The following FRMD5 variants were observed in gnomAD, a reference collection of about 807,000 sequenced individuals.
FRMD5 encodes FERM domain-containing protein 5.
FRMD5 carries 20 observed loss-of-function variants against 69.0 expected under a neutral mutation model. The ratio of observed to expected loss-of-function variants is 0.29; its 90% confidence interval spans 0.20 to 0.42. The LOEUF is 0.42. FRMD5 is among the 10% of genes least tolerant of loss of function. The probability of loss-of-function intolerance (pLI) is 1.00; values close to 1 mark genes in which losing one functional copy is unlikely to be tolerated. For synonymous variants in FRMD5, 271 were observed against 260.1 expected, an observed-to-expected ratio of 1.04 and a Z score of -0.40; for missense variants, 595 against 708.6, an observed-to-expected ratio of 0.84 and a Z score of 1.82.
chr15:44,151,351 C>T (rs537710136), intron 1 of FRMD5, among the ~76,000 whole-genome samples: 2 of 148,526 alleles, frequency 1.3e-5, no homozygotes, highest in Non-Finnish European at 3.0e-5. Context: ...GAGCCAAGAT[C>T]GCGCCACTGC....
chr15:43,999,666 ATG>A (rs1890092104), intron 1 of FRMD5, among the ~76,000 whole-genome samples: 1 of 151,882 alleles, frequency 6.6e-6, no homozygotes, highest in Non-Finnish European at 1.5e-5. Context: ...GATTCCACAT[ATG>A]TGAGATCATG....
At chr15:43,926,059 T>C (rs1464041743) in intron 1 of FRMD5, among the ~76,000 whole-genome samples, 2 of 152,342 alleles carry the variant, frequency 1.3e-5, no homozygotes, top group East Asian at 3.9e-4. Flanking sequence ...GCCTGATGCA[T>C]GGCAGGCAGG....
intron 1 of FRMD5, among the ~76,000 whole-genome samples, chr15:43,939,517 G>C (rs1183793014): frequency 2.0e-5 from 3 of 152,052 alleles, no homozygotes; most frequent in Non-Finnish European, 1.5e-5. Context: ...GTGTCTTATA[G>C]TTGTTCTCTG....
intron 8 of FRMD5, among the ~76,000 whole-genome samples, chr15:43,891,780 T>C (rs200667074): frequency 1.3e-4 from 20 of 152,158 alleles, no homozygotes; most frequent in Admixed American, 7.2e-4. Flanking sequence ...GGAGAGGCTG[T>C]TGGCTCTCAG....
At chr15:44,027,673 C>T (rs1891495922) in intron 1 of FRMD5, among the ~76,000 whole-genome samples, 1 of 133,894 alleles carries the variant, frequency 7.5e-6, no homozygotes, top group Admixed American at 7.7e-5. Flanking sequence ...TTTTCCGAGA[C>T]AGAGTCTCGC....
chr15:44,166,260 A>G (rs2077707104), intron 1 of FRMD5, among the ~76,000 whole-genome samples: 1 of 152,082 alleles, frequency 6.6e-6, no homozygotes, highest in Non-Finnish European at 1.5e-5. Context: ...CTCTCCATCG[A>G]GCTAGAGTTC....
chr15:44,090,516 T>C (rs1041160284), intron 1 of FRMD5, among the ~76,000 whole-genome samples: 1 of 151,826 alleles, frequency 6.6e-6, no homozygotes, highest in South Asian at 2.1e-4. Context: ...CTCGGCTCAC[T>C]ACAACCTCTA....
chr15:43,988,200 T>C (rs909135916), intron 1 of FRMD5, among the ~76,000 whole-genome samples: 5 of 152,140 alleles, frequency 3.3e-5, no homozygotes, highest in Non-Finnish European at 7.4e-5. Context: ...GCCTGGTCTG[T>C]GGCCTGGGGG....
At chr15:44,031,133 G>A (rs1352904441) in intron 1 of FRMD5, among the ~76,000 whole-genome samples, 4 of 152,062 alleles carry the variant, frequency 2.6e-5, no homozygotes, top group East Asian at 1.9e-4. Flanking sequence ...GATGGGTGCT[G>A]CACACTCAGC....
intron 1 of FRMD5, among the ~76,000 whole-genome samples, chr15:44,150,017 A>C (rs2077418429): frequency 6.6e-6 from 1 of 152,198 alleles, no homozygotes. Flanking sequence ...TATGAAAATC[A>C]ATCAACGCAA....
At chr15:44,159,283 A>G (rs1019209343) in intron 1 of FRMD5, among the ~76,000 whole-genome samples, 1 of 152,190 alleles carries the variant, frequency 6.6e-6, no homozygotes, top group African/African-American at 2.4e-5. Context: ...GAAACACCAC[A>G]TAAGGTATCT....
At chr15:44,062,864 T>C (rs1329702040) in intron 1 of FRMD5, among the ~76,000 whole-genome samples, 1 of 152,110 alleles carries the variant, frequency 6.6e-6, no homozygotes, top group Admixed American at 6.6e-5. Flanking sequence ...GTTGAGGTTA[T>C]TGCACAAGGA....
intron 1 of FRMD5, among the ~76,000 whole-genome samples, chr15:44,172,599 T>C (rs1213321003): frequency 6.6e-6 from 1 of 152,204 alleles, no homozygotes; most frequent in Non-Finnish European, 1.5e-5. Flanking sequence ...TGGGACATGC[T>C]ATTATTTAAA....
chr15:43,914,128 A>G (rs960882647), intron 4 of FRMD5, among the ~76,000 whole-genome samples: 16 of 152,204 alleles, frequency 1.1e-4, no homozygotes, highest in African/African-American at 3.9e-4. Flanking sequence ...GCTTTTGTGT[A>G]ACACGAACAT....
intron 1 of FRMD5, among the ~76,000 whole-genome samples, chr15:44,173,009 T>A (rs2077830841): frequency 1.3e-5 from 2 of 152,194 alleles, no homozygotes; most frequent in Non-Finnish European, 1.5e-5. Context: ...AATCAACACA[T>A]GAAATCGCTT....
In FRMD5 at chr15:43,874,315, T is replaced by C. The variant is rs2088260591; in HGVS notation, c.1283A>G (p.Asp428Gly). 6.2e-7 allele frequency: 1 copy of C among 1,614,122 alleles called. No homozygotes were observed. The highest frequency in any genetic ancestry group is 1.7e-5 in the Admixed American group (1 of 60,004). Reference sequence around the variant, plus strand: ...AGCCACAGGGGTGGGCAGCACGCTGTCTGCAGGGCTGTAGGCCTCGTCTGC... The same window carrying C: ...AGCCACAGGGGTGGGCAGCACGCTGCCTGCAGGGCTGTAGGCCTCGTCTGC... ...VIADEAYSPA[D>G]SVLPTPVAEH... Residue 428 changes from aspartate to glycine, a missense_variant, in exon 14 of 14, where the codon GAC becomes GGC. Physicochemically the swap from Asp to Gly is moderately conservative, Grantham distance 94. Coordinates refer to ENST00000417257, the MANE Select transcript of FRMD5 (RefSeq NM_032892.5).
At chr15:44,018,909 T>C (rs1025862208) in intron 1 of FRMD5, among the ~76,000 whole-genome samples, 4 of 152,238 alleles carry the variant, frequency 2.6e-5, no homozygotes, top group Non-Finnish European at 4.4e-5. Context: ...CTTTTCTTTT[T>C]TTTTTAGATA....
intron 1 of FRMD5, among the ~76,000 whole-genome samples, chr15:43,999,926 T>TATATATATATATATGCCATGC (rs1890108192): frequency 2.8e-4 from 6 of 21,614 alleles, no homozygotes; most frequent in African/African-American, 5.9e-4. Context: ...TGTGTATGTA[T>TATATATATATATATGCCATGC]ATATATATAT....
At chr15:43,875,648 T>G (rs906009570) in intron 13 of FRMD5, among the ~76,000 whole-genome samples, 1 of 149,792 alleles carries the variant, frequency 6.7e-6, no homozygotes, top group Non-Finnish European at 1.5e-5. Flanking sequence ...CAGCTAATTT[T>G]TTTATTTTGA....
Sources: allele counts gnomAD v4.1 joint callset (sites outside exome capture counted in the v4.1 genomes callset), GRCh38; gene constraint gnomAD v4.1.1; transcripts MANE v1.5; gene names NCBI Gene and HGNC (gene_info 2026-07-23, HGNC 2026-07-21).